Variants in CDH15 observed in about 807,000 individuals in gnomAD.
The protein encoded by CDH15 is cadherin 15, also known as cadherin-15.
A neutral mutation model predicts 69.4 loss-of-function variants in CDH15; 73 were observed. The ratio of observed to expected loss-of-function variants is 1.05; its 90% CI spans 0.87 to 1.28. The LOEUF (loss-of-function observed/expected upper bound fraction) is 1.28, where lower values mean the gene tolerates loss of function less well. CDH15 is among the 50% of genes most tolerant of loss of function. CDH15 has a pLI of 0.00. For synonymous variants in CDH15, 624 were observed against 507.7 expected, an observed-to-expected ratio of 1.23 and a Z score of -3.08; for missense variants, 1,343 against 1,133.6, an observed-to-expected ratio of 1.18 and a Z score of -2.65.
intron 11 of CDH15, 78 bp from the exon 12 acceptor site, chr16:89,193,392 C>A: frequency 2.4e-6 from 3 of 1,243,332 alleles, no homozygotes; most frequent in Non-Finnish European, 3.4e-6. Flanking sequence ...CCGCCCCCTC[C>A]TCCCACCTCC....
intron 1 of CDH15, among the ~76,000 whole-genome samples, chr16:89,174,394 C>T (rs1053519624): frequency 1.2e-4 from 19 of 152,202 alleles, no homozygotes; most frequent in Non-Finnish European, 1.6e-4. Context: ...CCTAGAATCT[C>T]GTAGCACCCT....
intron 12 of CDH15, 27 bp downstream of exon 12, chr16:89,193,633 G>A (rs1420016143): frequency 2.5e-6 from 4 of 1,574,166 alleles, no homozygotes; most frequent in Middle Eastern, 1.7e-4. Flanking sequence ...GGGTGGGGAG[G>A]GGTCCCCAAG....
intron 7 of CDH15, among the ~76,000 whole-genome samples, chr16:89,189,031 ATGT>A (rs1473876502): frequency 2.8e-5 from 4 of 143,894 alleles, no homozygotes; most frequent in Non-Finnish European, 6.0e-5. Flanking sequence ...CCACACACAG[ATGT>A]TGGCACACAC....
chr16:89,191,354 A>C lies in CDH15; in HGVS notation c.1257A>C (p.Glu419Asp), dbSNP rs1915635827. Reference sequence around the variant, plus strand: ...GCTACTCCAAGGACTACGACCCGGAAGACTGGCTGCAAGTGGACGCAGCCA... The same window carrying C: ...GCTACTCCAAGGACTACGACCCGGACGACTGGCTGCAAGTGGACGCAGCCA... ...RLSYSKDYDP[E>D]DWLQVDAATG... The change falls in exon 9 of 14, where the codon GAA becomes GAC. Residue 419 changes from glutamate to aspartate, a missense_variant. Coordinates refer to ENST00000289746, the MANE Select transcript of CDH15 (RefSeq NM_004933.3). 1 of 1,612,780 alleles carries C rather than the reference A, an allele frequency of 6.2e-7. No homozygotes were observed. Among genetic ancestry groups the C allele is most frequent in the African/African-American group, 1.3e-5 (1 of 75,018 alleles).
rs563337009 is a variant in CDH15 at position 89,188,222 on chromosome 16, C to T, written c.915C>T (p.Pro305=). ...VARFTILEGD[P]DGQFTIRTDP... is the part of the protein sequence containing the mutation. ...GGTTCACCATCCTGGAAGGCGACCCCGATGGGCAGTTCACCATCCGCACGG... is the reference window on the plus strand; with the variant it reads ...GGTTCACCATCCTGGAAGGCGACCCTGATGGGCAGTTCACCATCCGCACGG... The change falls in exon 7 of 14, where the codon CCC becomes CCT. Residue 305 remains proline (P), a synonymous_variant. Transcript: ENST00000289746. The T allele has an allele frequency of 5.3e-5, 86 of 1,613,474 alleles. No homozygotes were observed. The highest frequency in any genetic ancestry group is 6.8e-5 in the Non-Finnish European group (80 of 1,179,900).
chr16:89,195,041 A>G lies in CDH15; in HGVS notation c.2331A>G (p.Ala777=). Residue 777 remains alanine (A), a synonymous_variant, in exon 14 of 14, where the codon GCA becomes GCG. Transcript: ENST00000289746. ...RDWGPRFARL[A]DMYGHPCGLE... ...GGGGGCCCCGCTTCGCCCGGCTGGC[A>G]GACATGTATGGGCACCCGTGCGGGT... 2 of 1,612,544 alleles carry G rather than the reference A, an allele frequency of 1.2e-6. No homozygotes were observed. Among genetic ancestry groups the G allele is most frequent in the Non-Finnish European group, 1.7e-6 (2 of 1,179,852 alleles).
At chr16:89,179,878 G>A (rs1292530891) in intron 2 of CDH15, among the ~76,000 whole-genome samples, 5 of 152,328 alleles carry the variant, frequency 3.3e-5, no homozygotes, top group East Asian at 1.9e-4. Flanking sequence ...CGTGTTCGCC[G>A]ACGCTGAGTA....
At chr16:89,175,094 G>A (rs1023683659) in intron 1 of CDH15, among the ~76,000 whole-genome samples, 1 of 152,234 alleles carries the variant, frequency 6.6e-6, no homozygotes, top group Non-Finnish European at 1.5e-5. Flanking sequence ...CCCTGCCAAG[G>A]CTCTGTGGCT....
At chr16:89,190,645 C>T (rs1177933451) in intron 8 of CDH15, 149 bp downstream of exon 8, 16 of 1,041,752 alleles carry the variant, frequency 1.5e-5, no homozygotes, top group Admixed American at 1.4e-4. Flanking sequence ...TCTCGAGTCC[C>T]GAGCATGCCC....
chr16:89,182,731 T>G (rs750963147), intron 3 of CDH15: 6 of 152,224 alleles, frequency 3.9e-5, no homozygotes, highest in Non-Finnish European at 7.3e-5. Flanking sequence ...AAAATTTCCT[T>G]TTATTTGCCC....
chr16:89,191,086 G>C (rs1409502209), intron 8 of CDH15, among the ~76,000 whole-genome samples: 5 of 151,688 alleles, frequency 3.3e-5, no homozygotes, highest in Non-Finnish European at 7.4e-5. Context: ...GGGGGGGAGT[G>C]TCTATGTGTA....
At position 89,171,830 on chromosome 16, in the gene CDH15, C is replaced by A. The variant is rs746551987; in HGVS notation, c.-2C>A. ...TCCGGCCCGGCTCCCGCCTCGGCCC[C>A]GATGGACGCCGCGTTCCTCCTCGTC... is the stretch of plus-strand genomic sequence containing the variant. On this transcript the variant is annotated 5_prime_UTR_variant, in exon 1 of 14. Coordinates refer to ENST00000289746, the MANE Select transcript of CDH15 (RefSeq NM_004933.3). The A allele has an allele frequency of 1.9e-6, 3 of 1,557,516 alleles. No homozygotes were observed. The highest frequency in any genetic ancestry group is 2.4e-5 in the East Asian group (1 of 41,578).
At chr16:89,188,039 G>T in intron 6 of CDH15, 61 bp from the exon 7 acceptor site, 1 of 1,476,124 alleles carries the variant, frequency 6.8e-7, no homozygotes, top group Non-Finnish European at 9.2e-7. Flanking sequence ...GGGCCCTGAG[G>T]GCCCCACCCA....
Position 89,195,440 on chromosome 16 carries a change from C to T in CDH15, c.*285C>T, listed in dbSNP as rs558949769. On this transcript the variant is annotated 3_prime_UTR_variant, in exon 14 of 14. Transcript: ENST00000289746. ...GTGAACCTCATCTTTGTATGAAAGA[C>T]AGCAACCTCCTGGGTAAATCTGAAT... 110 of 490,642 alleles carry T rather than the reference C, an allele frequency of 2.2e-4. No individual in the cohort carries two copies. The highest frequency in any genetic ancestry group is 2.0e-3 in the African/African-American group (105 of 52,328). 30.4% of individuals were successfully genotyped at this position (490,642 alleles called of 1,614,324 possible).
chr16:89,190,103 T>G, intron 7 of CDH15, 140 bp from the exon 8 acceptor site: 1 of 899,408 alleles, frequency 1.1e-6, no homozygotes, highest in Admixed American at 2.4e-5. Flanking sequence ...CTGCATAATT[T>G]GTTTTTTCAA....
At chr16:89,176,193 C>T (rs530979907) in intron 1 of CDH15, among the ~76,000 whole-genome samples, 5 of 152,384 alleles carry the variant, frequency 3.3e-5, no homozygotes, top group East Asian at 3.9e-4. Context: ...AGCCCCCAAC[C>T]GCTGCCTCCT....
At chr16:89,183,733 G>A (rs1425536790) in intron 4 of CDH15, 41 bp downstream of exon 4, 2 of 1,557,064 alleles carry the variant, frequency 1.3e-6, no homozygotes, top group Non-Finnish European at 8.7e-7. Flanking sequence ...GGGGCTGCAA[G>A]GAAGGGCTCT....
intron 1 of CDH15, among the ~76,000 whole-genome samples, chr16:89,173,572 T>C (rs1483196845): frequency 6.6e-6 from 1 of 152,152 alleles, no homozygotes; most frequent in African/African-American, 2.4e-5. Flanking sequence ...TTCACTCCAC[T>C]GTGAGGCAAA....
In CDH15 at chr16:89,190,425, G is replaced by A. The variant is rs779983929; in HGVS notation, c.1161G>A (p.Gly387=). 1.2e-6 allele frequency: 2 copies of A among 1,609,952 alleles called. No homozygotes were observed. Among genetic ancestry groups the A allele is most frequent in the Non-Finnish European group, 8.5e-7 (1 of 1,178,960 alleles). ...CACTTCGGACCAGCCTAGCAGAGGG[G>A]GCACCCCCAGGCACTCTGGTGGCCA... ...ENPLRTSLAE[G]APPGTLVATF... Residue 387 remains glycine, a synonymous_variant, in exon 8 of 14, where the codon GGG becomes GGA. Transcript: ENST00000289746.
Sources: allele counts gnomAD v4.1 joint callset (sites outside exome capture counted in the v4.1 genomes callset), GRCh38; gene constraint gnomAD v4.1.1; transcripts MANE v1.5; gene names NCBI Gene and HGNC (gene_info 2026-07-23, HGNC 2026-07-21).